CATSPERT: variants seen among roughly 807,000 people sequenced by gnomAD.
The protein encoded by CATSPERT is cation channel sperm-associated targeting subunit tau.
At chr2:201,578,553 G>A in the CATSPERT span, among the ~76,000 whole-genome samples, 1 of 152,032 alleles carries the variant, frequency 6.6e-6, no homozygotes, top group Non-Finnish European at 1.5e-5. Context: ...TCCAGAATAT[G>A]TATTTGGGTC....
chr2:201,533,719 G>A, the CATSPERT span, among the ~76,000 whole-genome samples: 1 of 152,152 alleles, frequency 6.6e-6, no homozygotes. Flanking sequence ...TTGGAACTTA[G>A]TTAATCTCCA....
chr2:201,522,950 A>T, the CATSPERT span, among the ~76,000 whole-genome samples: 1 of 152,158 alleles, frequency 6.6e-6, no homozygotes, highest in Non-Finnish European at 1.5e-5. Flanking sequence ...CTTGCAGTGC[A>T]GCCTCAGATG....
chr2:201,563,266 C>T, the CATSPERT span, among the ~76,000 whole-genome samples: 3 of 138,322 alleles, frequency 2.2e-5, no homozygotes, highest in South Asian at 4.6e-4. Flanking sequence ...TAGGGGCGGC[C>T]GGGCAGAGGC....
chr2:201,536,056 G>A, the CATSPERT span: 2 of 1,613,020 alleles, frequency 1.2e-6, no homozygotes, highest in South Asian at 2.2e-5. Flanking sequence ...AAAATGCTTG[G>A]ATAGTTATCT....
chr2:201,603,009 C>G, the CATSPERT span, among the ~76,000 whole-genome samples: 1 of 152,226 alleles, frequency 6.6e-6, no homozygotes, highest in Non-Finnish European at 1.5e-5. Context: ...AAATGGGCCA[C>G]TTCAGATATT....
At chr2:201,516,173 T>C in the CATSPERT span, among the ~76,000 whole-genome samples, 2 of 152,214 alleles carry the variant, frequency 1.3e-5, no homozygotes, top group African/African-American at 2.4e-5. Context: ...TGGTAAATAT[T>C]TGTGTATCTA....
chr2:201,490,652 T>C, the CATSPERT span, among the ~76,000 whole-genome samples: 6 of 152,290 alleles, frequency 3.9e-5, no homozygotes, highest in Middle Eastern at 3.4e-3. Flanking sequence ...GTAGTAGGTG[T>C]GTTAACAGTC....
the CATSPERT span, among the ~76,000 whole-genome samples, chr2:201,528,200 A>G: frequency 6.6e-6 from 1 of 152,188 alleles, no homozygotes; most frequent in African/African-American, 2.4e-5. Context: ...GCAAATCAAA[A>G]CCACAATGAG....
At chr2:201,562,109 A>G in the CATSPERT span, among the ~76,000 whole-genome samples, 4 of 151,640 alleles carry the variant, frequency 2.6e-5, no homozygotes, top group Admixed American at 1.3e-4. Context: ...AAATTCATAC[A>G]GTAATTCTCT....
chr2:201,534,810 T>G, the CATSPERT span: 5 of 884,576 alleles, frequency 5.7e-6, no homozygotes, highest in Non-Finnish European at 6.8e-6. Flanking sequence ...TGTCCAACAA[T>G]ATGAAAACTG....
chr2:201,535,966 G>C, the CATSPERT span: 1 of 1,600,590 alleles, frequency 6.2e-7, no homozygotes, highest in Non-Finnish European at 8.5e-7. Flanking sequence ...ATTTCTGTTG[G>C]AGATGAATCT....
chr2:201,581,591 T>TATATATATATAC, the CATSPERT span, among the ~76,000 whole-genome samples: 4 of 45,338 alleles, frequency 8.8e-5, no homozygotes, highest in Admixed American at 2.8e-4. Context: ...TATATATATA[T>TATATATATATAC]ATACACATAC....
At chr2:201,527,038 A>G in the CATSPERT span, among the ~76,000 whole-genome samples, 15 of 152,250 alleles carry the variant, frequency 9.9e-5, no homozygotes, top group Non-Finnish European at 2.1e-4. Flanking sequence ...AGGCTTCTAG[A>G]TCTGATAAAC....
At chr2:201,585,794 T>C in the CATSPERT span, among the ~76,000 whole-genome samples, 2 of 152,174 alleles carry the variant, frequency 1.3e-5, no homozygotes, top group Admixed American at 6.5e-5. Flanking sequence ...AAAAGAGTAG[T>C]GTATAATCTC....
chr2:201,508,461 A>C, the CATSPERT span, among the ~76,000 whole-genome samples: 3 of 152,208 alleles, frequency 2.0e-5, no homozygotes, highest in African/African-American at 7.2e-5. Flanking sequence ...TTTATTTTTT[A>C]TTGTGGTAAA....
chr2:201,547,370 G>GCACAT, the CATSPERT span: 1 of 508,920 alleles, frequency 2.0e-6, no homozygotes, highest in African/African-American at 2.0e-5. Context: ...ATCAAAACAG[G>GCACAT]TAAGTACCTG....
At chr2:201,499,800 T>C in the CATSPERT span, among the ~76,000 whole-genome samples, 1 of 151,066 alleles carries the variant, frequency 6.6e-6, no homozygotes, top group Non-Finnish European at 1.5e-5. Context: ...ACCACTACAC[T>C]ATAGCCTGTG....
the CATSPERT span, among the ~76,000 whole-genome samples, chr2:201,618,488 C>T: frequency 1.4e-5 from 2 of 147,346 alleles, no homozygotes; most frequent in South Asian, 2.1e-4. Context: ...CATGTTCTCA[C>T]TCATAGGTGG....
the CATSPERT span, chr2:201,534,318 T>C: frequency 2.4e-6 from 2 of 827,642 alleles, no homozygotes; most frequent in East Asian, 1.2e-4. Flanking sequence ...CCCCACAGTA[T>C]CTTGAGAGAT....
Sources: allele counts gnomAD v4.1 joint callset (sites outside exome capture counted in the v4.1 genomes callset), GRCh38; gene constraint gnomAD v4.1.1; transcripts MANE v1.5; gene names NCBI Gene and HGNC (gene_info 2026-07-23, HGNC 2026-07-21).